The following TBC1D19 variants were observed in gnomAD, a reference collection of about 807,000 sequenced individuals.
The protein encoded by TBC1D19 is TBC1 domain family, member 19.
A neutral mutation model predicts 89.0 loss-of-function variants in TBC1D19; 60 were observed. The observed-to-expected ratio is 0.67, with a 90% CI of 0.55 to 0.84. The LOEUF (loss-of-function observed/expected upper bound fraction) is 0.84. Ranked by LOEUF, TBC1D19 falls within the 40% of genes least tolerant of loss-of-function variation. The pLI, the probability that TBC1D19 is intolerant of heterozygous loss-of-function variation, is 0.00. For missense variants in TBC1D19, 500 were observed against 610.8 expected (o/e 0.82, Z 1.91); for synonymous variants, 189 against 199.7 (o/e 0.95, Z 0.45).
At chr4:26,632,552 G>T (rs1038572602) in intron 4 of TBC1D19, among the ~76,000 whole-genome samples, 1 of 151,994 alleles carries the variant, frequency 6.6e-6, no homozygotes, top group Non-Finnish European at 1.5e-5. Context: ...GAAGAGGAAG[G>T]GTTGGTCTTG....
chr4:26,724,409 G>A (rs961676431), intron 15 of TBC1D19, among the ~76,000 whole-genome samples: 1 of 152,128 alleles, frequency 6.6e-6, no homozygotes, highest in Non-Finnish European at 1.5e-5. Flanking sequence ...GGAAATGGGA[G>A]TCTTTCTGTC....
intron 18 of TBC1D19, among the ~76,000 whole-genome samples, chr4:26,742,888 T>C (rs1463998031): frequency 6.6e-6 from 1 of 152,104 alleles, no homozygotes; most frequent in Non-Finnish European, 1.5e-5. Flanking sequence ...CAGCCAAAAC[T>C]GAAGCAAACA....
chr4:26,821,741 G>A, the TBC1D19 span, among the ~76,000 whole-genome samples: 3 of 152,306 alleles, frequency 2.0e-5, no homozygotes, highest in South Asian at 6.2e-4. Flanking sequence ...GCCATGGCGG[G>A]GCTCACCGTG....
At position 26,688,395 on chromosome 4, in the gene TBC1D19, T is replaced by C; in HGVS notation, c.942T>C (p.Asp314=). The C allele has an allele frequency of 6.4e-7, 1 of 1,564,958 alleles. No individual in the cohort carries two copies. The highest frequency in any genetic ancestry group is 8.7e-7 in the Non-Finnish European group (1 of 1,151,234). The change falls in exon 13 of 21, where the codon GAT becomes GAC. Residue 314 remains aspartate (D), a synonymous_variant. Coordinates refer to ENST00000264866, the MANE Select transcript of TBC1D19 (RefSeq NM_018317.4). ...ATGATTATTATTTTGTATTTGAAGATTATTTATATCAGGTAAGTTTAAAAA... is the reference window on the plus strand; with the variant it reads ...ATGATTATTATTTTGTATTTGAAGACTATTTATATCAGGTAAGTTTAAAAA... ...SNDDYYFVFE[D]YLYQVLLCFS...
At chr4:26,813,253 A>G in the TBC1D19 span, among the ~76,000 whole-genome samples, 1 of 152,100 alleles carries the variant, frequency 6.6e-6, no homozygotes, top group Non-Finnish European at 1.5e-5. Flanking sequence ...CCTGTCTTAA[A>G]CAAACAAACG....
At chr4:26,626,932 A>G (rs928885036) in intron 4 of TBC1D19, among the ~76,000 whole-genome samples, 14 of 149,132 alleles carry the variant, frequency 9.4e-5, no homozygotes, top group Middle Eastern at 3.5e-3. Context: ...GTACATGTGC[A>G]CAATGTGCAG....
chr4:26,698,720 C>G (rs1329292584), intron 13 of TBC1D19, among the ~76,000 whole-genome samples: 1 of 152,100 alleles, frequency 6.6e-6, no homozygotes, highest in Non-Finnish European at 1.5e-5. Context: ...ACATTTACAA[C>G]CATCTGATCT....
At chr4:26,771,400 C>A in the TBC1D19 span, among the ~76,000 whole-genome samples, 1 of 152,078 alleles carries the variant, frequency 6.6e-6, no homozygotes, top group Non-Finnish European at 1.5e-5. Flanking sequence ...TTCACTGCAA[C>A]ATTATTCCTA....
intron 13 of TBC1D19, among the ~76,000 whole-genome samples, chr4:26,702,840 T>A (rs1043432851): frequency 6.6e-6 from 1 of 152,222 alleles, no homozygotes; most frequent in Non-Finnish European, 1.5e-5. Flanking sequence ...AGAAACATTA[T>A]ACCAATTGAA....
At chr4:26,836,775 G>T in the TBC1D19 span, among the ~76,000 whole-genome samples, 152 of 152,328 alleles carry the variant, frequency 1.0e-3, no homozygotes, top group Admixed American at 1.7e-3. Context: ...ATGTCCCTTT[G>T]TCTCTCCAGA....
intron 3 of TBC1D19, among the ~76,000 whole-genome samples, chr4:26,618,082 C>T (rs758677441): frequency 6.6e-6 from 1 of 152,174 alleles, no homozygotes; most frequent in Non-Finnish European, 1.5e-5. Context: ...TACAGTTCTT[C>T]TTTGCCCTCT....
the TBC1D19 span, among the ~76,000 whole-genome samples, chr4:26,810,021 C>T: frequency 6.6e-6 from 1 of 152,238 alleles, no homozygotes; most frequent in Non-Finnish European, 1.5e-5. Context: ...CCTGTGTGTT[C>T]TCTCCAGCTG....
Position 26,738,643 on chromosome 4 carries a change from C to CTA in TBC1D19, c.1118-1212_1118-1211dup, listed in dbSNP as rs752326831. ...ATAATACATATTGTAATACATTTTTCTATATATATACAAGTATGTATTTTT... is the reference window on the plus strand; with the variant it reads ...ATAATACATATTGTAATACATTTTTCTATATATATATACAAGTATGTATTTTT... On this transcript the variant is annotated intron_variant, in intron 16 of 20. Transcript: ENST00000264866. Among the ~76,000 whole-genome samples the CTA allele has an allele frequency of 5.5e-3, 840 of 151,582 alleles. 2 individuals are homozygous for CTA. Among genetic ancestry groups the CTA allele is most frequent in the Non-Finnish European group, 8.8e-3 (599 of 67,800 alleles).
At chr4:26,621,198 A>G (rs1343218191) in intron 4 of TBC1D19, among the ~76,000 whole-genome samples, 1 of 152,252 alleles carries the variant, frequency 6.6e-6, no homozygotes, top group Non-Finnish European at 1.5e-5. Flanking sequence ...TGACAAAATA[A>G]AATAATTTAA....
At chr4:26,700,347 A>T (rs914477803) in intron 13 of TBC1D19, among the ~76,000 whole-genome samples, 1 of 152,218 alleles carries the variant, frequency 6.6e-6, no homozygotes, top group Non-Finnish European at 1.5e-5. Context: ...GCCAAAGGTG[A>T]TGAAACTATC....
chr4:26,713,285 T>C (rs979044516), intron 13 of TBC1D19, among the ~76,000 whole-genome samples: 1 of 152,062 alleles, frequency 6.6e-6, no homozygotes, highest in Admixed American at 6.6e-5. Context: ...GGGTACAGTT[T>C]AGCACTGTTA....
At chr4:26,791,121 A>G in the TBC1D19 span, among the ~76,000 whole-genome samples, 1 of 152,072 alleles carries the variant, frequency 6.6e-6, no homozygotes, top group East Asian at 1.9e-4. Context: ...TATCCCCAGA[A>G]CAACTGCTCT....
At chr4:26,694,620 T>C (rs896060125) in intron 13 of TBC1D19, among the ~76,000 whole-genome samples, 2 of 152,104 alleles carry the variant, frequency 1.3e-5, no homozygotes, top group East Asian at 3.9e-4. Flanking sequence ...GACCCCTGAG[T>C]AGCCTAACTG....
chr4:26,699,821 CT>C (rs1715158693), intron 13 of TBC1D19, among the ~76,000 whole-genome samples: 1 of 139,556 alleles, frequency 7.2e-6, no homozygotes, highest in South Asian at 2.2e-4. Flanking sequence ...AATGAGAACA[CT>C]TGGACACAGG....
Sources: gnomAD v4.1 joint callset for allele counts (sites outside exome capture counted in the v4.1 genomes callset) on GRCh38, gnomAD v4.1.1 for gene constraint, MANE v1.5 for transcripts, NCBI Gene and HGNC (gene_info 2026-07-23, HGNC 2026-07-21) for gene names.